BCAS3: variants seen among roughly 807,000 people sequenced by gnomAD.
BCAS3 encodes the protein BCAS4/BCAS3 fusion.
In BCAS3, 53 loss-of-function variants were observed where a neutral mutation model predicts 116.1. The ratio of observed to expected loss-of-function variants is 0.46; its 90% CI spans 0.37 to 0.57. The LOEUF is 0.57. BCAS3 is among the 20% of genes least tolerant of loss of function. The probability of loss-of-function intolerance (pLI) is 0.00; values close to 1 mark genes in which losing one functional copy is unlikely to be tolerated. For missense variants in BCAS3, 917 were observed against 1,165.4 expected (o/e 0.79, Z 3.10); for synonymous variants, 391 against 408.2 (o/e 0.96, Z 0.51).
chr17:61,048,493 AGTCCAGTAAGACCAAAGAAGAGCGGGT>A (rs2068549403), intron 19 of BCAS3, among the ~76,000 whole-genome samples: 1 of 152,030 alleles, frequency 6.6e-6, no homozygotes, highest in Non-Finnish European at 1.5e-5. Flanking sequence ...CAGAGCTGAG[AGTCCAGTAAGACCAAAGAAGAGCGGGT>A]GTCGGCAAAT....
intron 9 of BCAS3, among the ~76,000 whole-genome samples, chr17:60,880,382 G>A (rs1040265422): frequency 1.2e-4 from 19 of 152,002 alleles, no homozygotes; most frequent in African/African-American, 3.6e-4. Context: ...TCCATCTCCC[G>A]GCTTCAAGTG....
intron 7 of BCAS3, among the ~76,000 whole-genome samples, chr17:60,816,621 A>G (rs1470864187): frequency 6.6e-6 from 1 of 152,198 alleles, no homozygotes; most frequent in Non-Finnish European, 1.5e-5. Flanking sequence ...GAAGAGGGGA[A>G]TTGCTATGGA....
At chr17:60,740,778 C>A (rs1389880313) in intron 5 of BCAS3, among the ~76,000 whole-genome samples, 1 of 152,104 alleles carries the variant, frequency 6.6e-6, no homozygotes, top group East Asian at 1.9e-4. Flanking sequence ...ATAACCCCAG[C>A]AAGTTAGGCT....
chr17:60,941,988 A>G (rs963283898), intron 13 of BCAS3, among the ~76,000 whole-genome samples: 5 of 152,248 alleles, frequency 3.3e-5, no homozygotes, highest in Non-Finnish European at 2.9e-5. Flanking sequence ...TGTCAAGTGC[A>G]GAAAATTTGT....
At chr17:60,796,397 G>T (rs1244998666) in intron 6 of BCAS3, among the ~76,000 whole-genome samples, 1 of 152,066 alleles carries the variant, frequency 6.6e-6, no homozygotes, top group Non-Finnish European at 1.5e-5. Context: ...TACCATTTCA[G>T]TCTTGCTGCT....
At chr17:61,002,349 C>G (rs1031085171) in intron 15 of BCAS3, among the ~76,000 whole-genome samples, 9 of 151,958 alleles carry the variant, frequency 5.9e-5, no homozygotes, top group Non-Finnish European at 1.3e-4. Context: ...TTGCTTTTTA[C>G]TGCTTGTGGA....
Position 61,392,156 on chromosome 17 carries a change from C to T in BCAS3, c.*31C>T. On this transcript the variant is annotated 3_prime_UTR_variant, in exon 24 of 24. Coordinates refer to ENST00000407086, the MANE Select transcript of BCAS3 (RefSeq NM_017679.5). The surrounding 1 kb of genome is among the most constrained non-coding windows in gnomAD (Gnocchi z 6.4). ...AGCAACCTGCTTCTGACTGGCCAGC[C>T]CCCTCCCCTGCTGGAGGAGGGGAGA... 1.2e-6 allele frequency: 2 copies of T among 1,604,612 alleles called. No individual in the cohort carries two copies. Among genetic ancestry groups the T allele is most frequent in the Non-Finnish European group, 1.7e-6 (2 of 1,174,684 alleles).
chr17:61,269,326 G>A (rs148278912), intron 22 of BCAS3, among the ~76,000 whole-genome samples: 229 of 151,960 alleles, frequency 1.5e-3, no homozygotes, highest in Non-Finnish European at 2.1e-3. Flanking sequence ...TGTTGGTCAG[G>A]CTGGTCTCGA....
chr17:60,882,553 T>C (rs1199367856), intron 9 of BCAS3, among the ~76,000 whole-genome samples: 1 of 152,204 alleles, frequency 6.6e-6, no homozygotes, highest in Non-Finnish European at 1.5e-5. Context: ...TAGGTTCTCT[T>C]CTAGGGTTTT....
rs2081097503 is a variant in BCAS3 at position 61,205,943 on chromosome 17, C to T, written c.2425+121379C>T. 2.0e-5 allele frequency among the ~76,000 whole-genome samples: 3 copies of T among 152,200 alleles called. No homozygotes were observed. The highest frequency in any genetic ancestry group is 1.5e-5 in the Non-Finnish European group (1 of 68,044). On this transcript the variant is annotated intron_variant, in intron 22 of 23. Coordinates refer to ENST00000407086, the MANE Select transcript of BCAS3 (RefSeq NM_017679.5). The surrounding 1 kb of genome is among the most constrained non-coding windows in gnomAD (Gnocchi z 5.2). Reference sequence around the variant, plus strand: ...AGGAAGATAATTTATGTCCCCAAAGCTCTTTCAGTGATCTGTACCCATCAG... The same window carrying T: ...AGGAAGATAATTTATGTCCCCAAAGTTCTTTCAGTGATCTGTACCCATCAG...
intron 12 of BCAS3, among the ~76,000 whole-genome samples, chr17:60,911,111 C>CT (rs143770646): frequency 0.36 from 38,157 of 105,494 alleles, 9,745 homozygotes; most frequent in African/African-American, 0.73. Context: ...AAATTTTTTT[C>CT]TTTTTTTCTT....
intron 19 of BCAS3, among the ~76,000 whole-genome samples, chr17:61,067,176 G>A (rs965303078): frequency 6.1e-5 from 9 of 147,672 alleles, no homozygotes; most frequent in Non-Finnish European, 1.3e-4. Context: ...TTGACTTTTT[G>A]GAACATTGTG....
intron 22 of BCAS3, among the ~76,000 whole-genome samples, chr17:61,329,343 A>ATTTTTTTTTTTTTT (rs35909318): frequency 3.1e-4 from 41 of 131,284 alleles, no homozygotes; most frequent in African/African-American, 1.2e-3. Flanking sequence ...TATTATTATT[A>ATTTTTTTTTTTTTT]TTTTTTTTTT....
chr17:60,869,571 A>G (rs1283049632), intron 8 of BCAS3, among the ~76,000 whole-genome samples: 1 of 152,218 alleles, frequency 6.6e-6, no homozygotes, highest in Non-Finnish European at 1.5e-5. Context: ...ATACTTAAAA[A>G]ATACAAATAA....
At chr17:60,855,936 G>C (rs1007280710) in intron 7 of BCAS3, among the ~76,000 whole-genome samples, 2 of 152,098 alleles carry the variant, frequency 1.3e-5, no homozygotes, top group Admixed American at 6.5e-5. Context: ...GCCTGCCTTG[G>C]CCTTGCACAG....
chr17:61,326,105 G>C lies in BCAS3; in HGVS notation c.2426-42222G>C, dbSNP rs2055708729. Reference sequence around the variant, plus strand: ...CTTGTGAAGTTTGTGGTCTAGGAGGGGAAAAGACATTAATCAGATAATCTC... The same window carrying C: ...CTTGTGAAGTTTGTGGTCTAGGAGGCGAAAAGACATTAATCAGATAATCTC... On this transcript the variant is annotated intron_variant, in intron 22 of 23. Transcript: ENST00000407086. This position sits in a 1 kb window ranked among gnomAD's most constrained non-coding sequence, Gnocchi z 5.3. 6.6e-6 allele frequency among the ~76,000 whole-genome samples: 1 copy of C among 152,044 alleles called. No homozygotes were observed. Among genetic ancestry groups the C allele is most frequent in the South Asian group, 2.1e-4 (1 of 4,806 alleles).
rs2057411280 is a variant in BCAS3, at chr17:61,344,928, C to T, written c.2426-23399C>T. ...CCTGGATCGGAAATACACACACACA[C>T]ACACATACACACACACACACGCACA... is the stretch of plus-strand genomic sequence containing the variant. On this transcript the variant is annotated intron_variant, in intron 22 of 23. Coordinates refer to ENST00000407086, the MANE Select transcript of BCAS3 (RefSeq NM_017679.5). The surrounding 1 kb of genome is among the most constrained non-coding windows in gnomAD (Gnocchi z 4.1). 6.6e-6 allele frequency among the ~76,000 whole-genome samples: 1 copy of T among 151,880 alleles called. No homozygotes were observed. The highest frequency in any genetic ancestry group is 1.5e-5 in the Non-Finnish European group (1 of 67,956).
At chr17:60,835,209 A>G (rs1270912260) in intron 7 of BCAS3, among the ~76,000 whole-genome samples, 1 of 152,020 alleles carries the variant, frequency 6.6e-6, no homozygotes, top group African/African-American at 2.4e-5. Flanking sequence ...TTGCTATTAA[A>G]GCTATAAATA....
chr17:60,711,853 G>C (rs886093553), intron 5 of BCAS3, among the ~76,000 whole-genome samples: 11 of 151,942 alleles, frequency 7.2e-5, no homozygotes, highest in African/African-American at 2.4e-4. Context: ...AGCAGTTTGA[G>C]ACTAACCTGG....
Sources: gnomAD v4.1 joint callset for allele counts (sites outside exome capture counted in the v4.1 genomes callset) on GRCh38, gnomAD v4.1.1 for gene constraint, Gnocchi (gnomAD v3.1) non-coding constraint, MANE v1.5 for transcripts, NCBI Gene and HGNC (gene_info 2026-07-23, HGNC 2026-07-21) for gene names.